The following SLC24A2 variants were observed in gnomAD, a reference collection of about 807,000 sequenced individuals.
The protein encoded by SLC24A2 is sodium/potassium/calcium exchanger 2.
In SLC24A2, 36 loss-of-function variants were observed where a neutral mutation model predicts 62.0. The ratio of observed to expected loss-of-function variants is 0.58; its 90% CI spans 0.44 to 0.77. The LOEUF (loss-of-function observed/expected upper bound fraction) is 0.77, where lower values mean the gene tolerates loss of function less well. Ranked by LOEUF, SLC24A2 falls within the 30% of genes least tolerant of loss-of-function variation. SLC24A2 has a pLI of 0.00. For missense variants in SLC24A2, 846 were observed against 817.9 expected, an observed-to-expected ratio of 1.03 and a Z score of -0.42; for synonymous variants, 358 against 294.0, an observed-to-expected ratio of 1.22 and a Z score of -2.23.
At chr9:19,919,975 T>C in the SLC24A2 span, among the ~76,000 whole-genome samples, 1 of 152,264 alleles carries the variant, frequency 6.6e-6, no homozygotes, top group Middle Eastern at 3.4e-3. Flanking sequence ...ATATTCAATA[T>C]ATTGGAAAAA....
At chr9:19,755,057 G>A (rs894346403) in intron 2 of SLC24A2, among the ~76,000 whole-genome samples, 1 of 152,114 alleles carries the variant, frequency 6.6e-6, no homozygotes, top group Admixed American at 6.6e-5. Context: ...AAGATGAAAG[G>A]CAGGCAAGAG....
At chr9:20,254,609 A>G in the SLC24A2 span, among the ~76,000 whole-genome samples, 1 of 152,156 alleles carries the variant, frequency 6.6e-6, no homozygotes, top group Non-Finnish European at 1.5e-5. Context: ...AACTGCATTC[A>G]TCTTTGACCA....
At chr9:20,153,841 G>C in the SLC24A2 span, among the ~76,000 whole-genome samples, 1 of 151,756 alleles carries the variant, frequency 6.6e-6, no homozygotes, top group Non-Finnish European at 1.5e-5. Flanking sequence ...GTTTATTTCT[G>C]TCTGCAGTTT....
At chr9:19,831,856 TTAGAA>T in the SLC24A2 span, among the ~76,000 whole-genome samples, 540 of 152,340 alleles carry the variant, frequency 3.5e-3, 4 homozygotes, top group African/African-American at 0.011. Context: ...CTTGCTAAAC[TTAGAA>T]TAGAAGAATG....
intron 8 of SLC24A2, among the ~76,000 whole-genome samples, chr9:19,541,410 G>A (rs1271099743): frequency 6.6e-6 from 1 of 151,764 alleles, no homozygotes; most frequent in African/African-American, 2.4e-5. Flanking sequence ...CTGGTCGTTA[G>A]TTTTCCTTCT....
chr9:20,023,967 A>G, the SLC24A2 span, among the ~76,000 whole-genome samples: 508 of 152,344 alleles, frequency 3.3e-3, 2 homozygotes, highest in Non-Finnish European at 5.4e-3. Flanking sequence ...GGCATAAGAA[A>G]GAGTGAAAAG....
chr9:20,205,894 C>T, the SLC24A2 span, among the ~76,000 whole-genome samples: 1 of 152,020 alleles, frequency 6.6e-6, no homozygotes, highest in South Asian at 2.1e-4. Context: ...CTGATGAAGT[C>T]GACAATGATA....
chr9:20,058,500 C>CACAT, the SLC24A2 span, among the ~76,000 whole-genome samples: 3 of 151,324 alleles, frequency 2.0e-5, no homozygotes, highest in African/African-American at 7.3e-5. Context: ...CATACACACA[C>CACAT]ACACACACAC....
At chr9:20,095,002 A>G in the SLC24A2 span, among the ~76,000 whole-genome samples, 1 of 152,214 alleles carries the variant, frequency 6.6e-6, no homozygotes. Flanking sequence ...TACCTTTCCA[A>G]CTACATATTT....
At chr9:19,546,302 C>A (rs183380359) in intron 8 of SLC24A2, among the ~76,000 whole-genome samples, 21 of 152,224 alleles carry the variant, frequency 1.4e-4, no homozygotes, top group African/African-American at 5.1e-4. Context: ...CCGCCCCTTC[C>A]GCCAGATGCT....
chr9:19,791,442 C>T (rs565500330), upstream of SLC24A2, among the ~76,000 whole-genome samples: 1 of 152,178 alleles, frequency 6.6e-6, no homozygotes, highest in African/African-American at 2.4e-5. Context: ...TCAGGGCTCT[C>T]TTAGTAAGGG....
chr9:20,217,012 C>T, the SLC24A2 span, among the ~76,000 whole-genome samples: 3 of 152,056 alleles, frequency 2.0e-5, no homozygotes, highest in Non-Finnish European at 2.9e-5. Flanking sequence ...TATACATTTG[C>T]TCACCAAAAG....
intron 2 of SLC24A2, among the ~76,000 whole-genome samples, chr9:19,760,467 A>G (rs887565233): frequency 7.9e-5 from 12 of 152,030 alleles, no homozygotes; most frequent in African/African-American, 2.9e-4. Flanking sequence ...TGCTGCACCC[A>G]TCAACCTGTC....
chr9:20,142,815 C>T, the SLC24A2 span, among the ~76,000 whole-genome samples: 2 of 152,074 alleles, frequency 1.3e-5, no homozygotes, highest in African/African-American at 2.4e-5. Flanking sequence ...AGGCTGGTCT[C>T]GAACTCCTGA....
the SLC24A2 span, among the ~76,000 whole-genome samples, chr9:20,083,980 G>A: frequency 6.6e-6 from 1 of 152,134 alleles, no homozygotes; most frequent in Non-Finnish European, 1.5e-5. Flanking sequence ...TTGCTCCTTT[G>A]GTAATGGGTT....
chr9:20,185,223 G>A, the SLC24A2 span, among the ~76,000 whole-genome samples: 1 of 152,100 alleles, frequency 6.6e-6, no homozygotes, highest in African/African-American at 2.4e-5. Context: ...AAATTACCAA[G>A]TGTTCTCACC....
chr9:19,806,597 C>A, the SLC24A2 span, among the ~76,000 whole-genome samples: 1 of 152,080 alleles, frequency 6.6e-6, no homozygotes, highest in Non-Finnish European at 1.5e-5. Context: ...TTCATGAGAT[C>A]TTCTGAGCTA....
the SLC24A2 span, among the ~76,000 whole-genome samples, chr9:20,260,842 A>ATTTT: frequency 4.0e-5 from 5 of 124,958 alleles, no homozygotes; most frequent in South Asian, 2.9e-4. Context: ...CCAACGTATC[A>ATTTT]TTCTTTCTTT....
At chr9:19,945,397 T>A in the SLC24A2 span, among the ~76,000 whole-genome samples, 6 of 152,152 alleles carry the variant, frequency 3.9e-5, no homozygotes, top group Non-Finnish European at 5.9e-5. Context: ...ACTCCTTTCG[T>A]GTAAAAACAA....
Sources: gnomAD v4.1 joint callset for allele counts (sites outside exome capture counted in the v4.1 genomes callset) on GRCh38, gnomAD v4.1.1 for gene constraint, MANE v1.5 for transcripts, NCBI Gene and HGNC (gene_info 2026-07-23, HGNC 2026-07-21) for gene names.